MCU: variants seen among roughly 807,000 people sequenced by gnomAD.
The protein encoded by MCU is calcium uniporter protein, mitochondrial.
In MCU, 12 loss-of-function variants were observed where a neutral mutation model predicts 45.2. That is an observed-to-expected ratio of 0.27 (90% confidence interval 0.17 to 0.43). The LOEUF is 0.43. Ranked by LOEUF, MCU falls within the 20% of genes least tolerant of loss-of-function variation. The pLI, the probability that MCU is intolerant of heterozygous loss-of-function variation, is 1.00. For missense variants in MCU, 324 were observed against 436.7 expected (o/e 0.74, Z 2.30); for synonymous variants, 160 against 165.1 (o/e 0.97, Z 0.24).
chr10:72,730,178 A>G (rs1225488719), intron 1 of MCU, among the ~76,000 whole-genome samples: 1 of 151,590 alleles, frequency 6.6e-6, no homozygotes, highest in East Asian at 1.9e-4. Flanking sequence ...CCAGGCTGGT[A>G]TCTAACTCCT....
Position 72,869,495 on chromosome 10 carries a change from C to T in MCU, c.657+632C>T, listed in dbSNP as rs141891794. ...CCCAGCTACCTGGGAGGCTGAGGCA[C>T]GAGAATCACTTGAACCTGGGAGGTG... is the stretch of plus-strand genomic sequence containing the variant. On this transcript the variant is annotated intron_variant, in intron 5 of 7. Coordinates refer to ENST00000373053, the MANE Select transcript of MCU (RefSeq NM_138357.3). Among the ~76,000 whole-genome samples, 1,007 of 152,122 alleles carry T rather than the reference C, an allele frequency of 6.6e-3. 16 individuals carry two copies. The highest frequency in any genetic ancestry group is 0.023 in the African/African-American group (938 of 41,496).
intron 1 of MCU, among the ~76,000 whole-genome samples, chr10:72,826,304 A>G (rs778418679): frequency 6.6e-6 from 1 of 152,126 alleles, no homozygotes; most frequent in Non-Finnish European, 1.5e-5. Context: ...ATCAAAGTAG[A>G]AAAAAACACT....
chr10:72,727,315 A>C (rs1430591897), intron 1 of MCU, among the ~76,000 whole-genome samples: 2 of 152,200 alleles, frequency 1.3e-5, no homozygotes, highest in Non-Finnish European at 2.9e-5. Flanking sequence ...CAAATGGAAC[A>C]TTCCCCAAGC....
intron 1 of MCU, among the ~76,000 whole-genome samples, chr10:72,793,069 G>A (rs973713989): frequency 9.2e-5 from 14 of 152,056 alleles, no homozygotes; most frequent in African/African-American, 3.4e-4. Flanking sequence ...AGTAGACACA[G>A]GGTTTCACCA....
At chr10:72,734,195 A>G (rs1843219762) in intron 1 of MCU, among the ~76,000 whole-genome samples, 3 of 152,134 alleles carry the variant, frequency 2.0e-5, no homozygotes, top group Admixed American at 6.6e-5. Flanking sequence ...GCAGTGAGCT[A>G]TGATTGAGCC....
At chr10:72,699,375 T>G (rs1842727754) in intron 1 of MCU, among the ~76,000 whole-genome samples, 2 of 151,748 alleles carry the variant, frequency 1.3e-5, no homozygotes, top group Non-Finnish European at 2.9e-5. Context: ...GGTGTGGTGG[T>G]GCGCGCCTGT....
intron 1 of MCU, chr10:72,693,165 C>A: frequency 8.3e-7 from 1 of 1,203,120 alleles, no homozygotes; most frequent in Non-Finnish European, 1.2e-6. Context: ...TTTGAACACT[C>A]TTGGGTGAGT....
At chr10:72,751,341 C>CCTTT (rs1843493012) in intron 1 of MCU, among the ~76,000 whole-genome samples, 1 of 44,742 alleles carries the variant, frequency 2.2e-5, no homozygotes, top group Non-Finnish European at 4.2e-5. Context: ...TCTTCTTCTT[C>CCTTT]TTTTTTTTTT....
intron 1 of MCU, among the ~76,000 whole-genome samples, chr10:72,758,232 C>G (rs2132719154): frequency 6.6e-6 from 1 of 152,262 alleles, no homozygotes; most frequent in African/African-American, 2.4e-5. Flanking sequence ...TTAAGAGAGT[C>G]TAAAACTATG....
chr10:72,806,006 C>CTT (rs1844442254), intron 1 of MCU, among the ~76,000 whole-genome samples: 2 of 151,966 alleles, frequency 1.3e-5, no homozygotes, highest in Non-Finnish European at 2.9e-5. Flanking sequence ...TTTCTCTAAC[C>CTT]AGAAGAATGG....
chr10:72,771,240 C>CT (rs1843803357), intron 1 of MCU, among the ~76,000 whole-genome samples: 6 of 152,122 alleles, frequency 3.9e-5, no homozygotes, highest in Admixed American at 3.9e-4. Context: ...TGATGTTCCC[C>CT]TCCCTGTGTC....
intron 1 of MCU, among the ~76,000 whole-genome samples, chr10:72,718,819 C>T (rs1842985091): frequency 6.6e-6 from 1 of 152,136 alleles, no homozygotes; most frequent in South Asian, 2.1e-4. Context: ...GAACAGGTTA[C>T]AACTACATAT....
chr10:72,859,430 G>A (rs896632945), intron 3 of MCU, 83 bp downstream of exon 3: 21 of 1,309,346 alleles, frequency 1.6e-5, no homozygotes, highest in East Asian at 1.2e-4. Flanking sequence ...CACCACACAC[G>A]TAGCTACAAA....
chr10:72,804,054 ATATATATATATATATATAT>A (rs1564561699), intron 1 of MCU, among the ~76,000 whole-genome samples: 2 of 84,196 alleles, frequency 2.4e-5, no homozygotes, highest in East Asian at 3.3e-4. Context: ...ATATATATAT[ATATATATATATATATATAT>A]AAAATAAGAG....
At chr10:72,706,290 C>T (rs1404984852) in intron 1 of MCU, among the ~76,000 whole-genome samples, 7 of 151,434 alleles carry the variant, frequency 4.6e-5, no homozygotes, top group African/African-American at 1.7e-4. Flanking sequence ...AGCAGCCTTC[C>T]CCTGTACATT....
chr10:72,742,808 G>A (rs1843353687), intron 1 of MCU, among the ~76,000 whole-genome samples: 1 of 152,130 alleles, frequency 6.6e-6, no homozygotes, highest in Non-Finnish European at 1.5e-5. Flanking sequence ...ACCCAAGTTA[G>A]GAAAAGTCTT....
At chr10:72,792,874 C>T (rs934937422) in intron 1 of MCU, among the ~76,000 whole-genome samples, 1 of 151,648 alleles carries the variant, frequency 6.6e-6, no homozygotes, top group African/African-American at 2.4e-5. Flanking sequence ...GATTACACTG[C>T]CTTTCTTTTT....
chr10:72,851,218 A>G (rs1845202682), intron 2 of MCU, among the ~76,000 whole-genome samples: 1 of 152,222 alleles, frequency 6.6e-6, no homozygotes, highest in African/African-American at 2.4e-5. Context: ...TAAAGGAAGA[A>G]GTTAAATTGG....
At chr10:72,789,345 G>A (rs1844123489) in intron 1 of MCU, among the ~76,000 whole-genome samples, 1 of 152,130 alleles carries the variant, frequency 6.6e-6, no homozygotes, top group Non-Finnish European at 1.5e-5. Context: ...CAAATGACTT[G>A]AATTTGAGTG....
Sources: gnomAD v4.1 joint callset for allele counts (sites outside exome capture counted in the v4.1 genomes callset) on GRCh38, gnomAD v4.1.1 for gene constraint, MANE v1.5 for transcripts, NCBI Gene and HGNC (gene_info 2026-07-23, HGNC 2026-07-21) for gene names.